Variants in SLC28A3 observed in about 807,000 individuals in gnomAD.
The protein encoded by SLC28A3 is solute carrier family 28 member 3.
SLC28A3 carries 68 observed loss-of-function variants against 84.2 expected under a neutral mutation model. The ratio of observed to expected loss-of-function variants is 0.81; its 90% CI spans 0.66 to 0.99. The LOEUF (loss-of-function observed/expected upper bound fraction) is 0.99. Ranked by LOEUF, SLC28A3 falls within the 50% of genes least tolerant of loss-of-function variation. The pLI is 0.00. For synonymous variants in SLC28A3, 267 were observed against 303.6 expected (o/e 0.88, Z 1.25); for missense variants, 712 against 841.5 (o/e 0.85, Z 1.90).
At chr9:84,348,236 C>T in the SLC28A3 span, among the ~76,000 whole-genome samples, 3 of 151,798 alleles carry the variant, frequency 2.0e-5, no homozygotes, top group Admixed American at 6.6e-5. Context: ...CACCTGTAGT[C>T]GCAGCTACTT....
chr9:84,343,556 T>C (rs1220009391), upstream of SLC28A3, among the ~76,000 whole-genome samples: 1 of 152,206 alleles, frequency 6.6e-6, no homozygotes, highest in African/African-American at 2.4e-5. Context: ...GGGTCACACC[T>C]AACCTTCTGC....
At chr9:84,327,492 T>A (rs1314677583) in intron 1 of SLC28A3, among the ~76,000 whole-genome samples, 1 of 152,170 alleles carries the variant, frequency 6.6e-6, no homozygotes, top group Non-Finnish European at 1.5e-5. Flanking sequence ...CACAGACTCA[T>A]GATAGCCTCA....
At chr9:84,361,149 T>G in the SLC28A3 span, among the ~76,000 whole-genome samples, 15 of 152,050 alleles carry the variant, frequency 9.9e-5, no homozygotes, top group East Asian at 1.9e-4. Flanking sequence ...ATAGAGACCA[T>G]CCTGGCCAAC....
chr9:84,280,173 A>AATT, intron 15 of SLC28A3, 100 bp from the exon 16 acceptor site: 5 of 964,740 alleles, frequency 5.2e-6, no homozygotes, highest in African/African-American at 1.8e-5. Context: ...AGGTCAGCTG[A>AATT]CTTTTTTTTT....
At chr9:84,343,865 AG>A (rs1827208795), upstream of SLC28A3, among the ~76,000 whole-genome samples, 1 of 152,178 alleles carries the variant, frequency 6.6e-6, no homozygotes, top group South Asian at 2.1e-4. Context: ...CCAAGATGGG[AG>A]AATCGCTTGA....
upstream of SLC28A3, chr9:84,340,782 G>T: frequency 2.9e-5 from 20 of 692,196 alleles, no homozygotes; most frequent in Admixed American, 5.4e-5. Flanking sequence ...ATAATCTCCT[G>T]AATGACTAGG....
chr9:84,288,511 T>C (rs1448232140), intron 11 of SLC28A3, among the ~76,000 whole-genome samples: 1 of 152,178 alleles, frequency 6.6e-6, no homozygotes, highest in Admixed American at 6.5e-5. Flanking sequence ...TCTGTTGCCC[T>C]TTTGAATGTT....
upstream of SLC28A3, among the ~76,000 whole-genome samples, chr9:84,344,275 G>A (rs1245020758): frequency 3.6e-5 from 5 of 140,728 alleles, no homozygotes; most frequent in Non-Finnish European, 7.5e-5. Context: ...TGCAACCTCC[G>A]ACTTCCGGGT....
the SLC28A3 span, among the ~76,000 whole-genome samples, chr9:84,364,735 A>T: frequency 1.3e-5 from 2 of 152,060 alleles, no homozygotes; most frequent in Admixed American, 1.3e-4. Context: ...CATTGTTTCA[A>T]TTTTTAGATT....
In SLC28A3 at chr9:84,279,950, G is replaced by A. The variant is rs374001057; in HGVS notation, c.1828+25C>T. The A allele has an allele frequency of 2.6e-5, 42 of 1,609,654 alleles. No individual in the cohort carries two copies. In the East Asian group the frequency reaches 5.8e-4, roughly 22 times the overall value. ...GCTGCCATTCATCCTGTGGGCACTGGGACACAAAGGACAGGGTGCGGTACC... is the reference window on the plus strand; with the variant it reads ...GCTGCCATTCATCCTGTGGGCACTGAGACACAAAGGACAGGGTGCGGTACC... On this transcript the variant is annotated intron_variant, in intron 16 of 17. Coordinates refer to ENST00000376238, the MANE Select transcript of SLC28A3 (RefSeq NM_001199633.2).
At chr9:84,331,993 TTAAAAG>T (rs775389056) in intron 1 of SLC28A3, among the ~76,000 whole-genome samples, 3 of 152,182 alleles carry the variant, frequency 2.0e-5, no homozygotes, top group Non-Finnish European at 4.4e-5. Flanking sequence ...CTGAGTGGTG[TTAAAAG>T]TAAATTTAAA....
chr9:84,349,460 C>A, the SLC28A3 span, among the ~76,000 whole-genome samples: 3 of 152,238 alleles, frequency 2.0e-5, no homozygotes, highest in Admixed American at 2.0e-4. Context: ...TGGTCTTGAA[C>A]TCCTGACTTC....
At chr9:84,344,071 C>T (rs28704034), upstream of SLC28A3, among the ~76,000 whole-genome samples, 8,199 of 151,802 alleles carry the variant, frequency 0.054, 449 homozygotes, top group East Asian at 0.17. Context: ...CTTCATAAAA[C>T]GGAGATAACA....
At chr9:84,355,989 T>TA in the SLC28A3 span, among the ~76,000 whole-genome samples, 2 of 151,706 alleles carry the variant, frequency 1.3e-5, no homozygotes. Context: ...TAATTTTTTT[T>TA]AAAAAAATTG....
At chr9:84,355,029 A>G in the SLC28A3 span, among the ~76,000 whole-genome samples, 1 of 152,232 alleles carries the variant, frequency 6.6e-6, no homozygotes, top group Non-Finnish European at 1.5e-5. Context: ...AAATATAAAA[A>G]TGATAGAATT....
intron 14 of SLC28A3, among the ~76,000 whole-genome samples, chr9:84,283,427 C>A (rs1824845654): frequency 6.6e-6 from 1 of 152,176 alleles, no homozygotes; most frequent in African/African-American, 2.4e-5. Flanking sequence ...GTGTGCTATA[C>A]AATAGAATAC....
chr9:84,359,937 G>C, the SLC28A3 span, among the ~76,000 whole-genome samples: 1 of 148,954 alleles, frequency 6.7e-6, no homozygotes, highest in African/African-American at 2.5e-5. Flanking sequence ...GAGAGTGGAG[G>C]TTTGCAATGA....
In SLC28A3 at chr9:84,276,039, C is replaced by T. The variant is rs182458878; in HGVS notation, c.*2179G>A. Reference sequence around the variant, plus strand: ...AATCTGCTCTGACCAATATGGTAGCCACTAATACCTGAAATATGGAGTAAC... The same window carrying T: ...AATCTGCTCTGACCAATATGGTAGCTACTAATACCTGAAATATGGAGTAAC... On this transcript the variant is annotated 3_prime_UTR_variant, in exon 18 of 18. Transcript: ENST00000376238. The T allele has an allele frequency of 6.6e-6, 1 of 152,062 alleles. No individual in the cohort carries two copies. The highest frequency in any genetic ancestry group is 2.4e-5 in the African/African-American group (1 of 41,412). The allele number at this position is 152,062 out of a possible 1,614,324, so 9.4% of individuals were successfully genotyped here.
rs1016527906 is a variant in SLC28A3, at chr9:84,277,527, T to C, written c.*691A>G. The C allele has an allele frequency of 2.0e-5, 3 of 152,232 alleles. No homozygotes were observed. Among genetic ancestry groups the C allele is most frequent in the African/African-American group, 7.2e-5 (3 of 41,462 alleles). The allele number at this position is 152,232 out of a possible 1,614,324, so 9.4% of individuals were successfully genotyped here. On this transcript the variant is annotated 3_prime_UTR_variant, in exon 18 of 18. Transcript: ENST00000376238. The stretch of plus-strand genomic sequence containing the variant: ...CAATATGGATTACAACCAAGATGGA[T>C]CATTACAAACATGTGAGTGAAAAAT...
Sources: allele counts gnomAD v4.1 joint callset (sites outside exome capture counted in the v4.1 genomes callset), GRCh38; gene constraint gnomAD v4.1.1; transcripts MANE v1.5; gene names NCBI Gene and HGNC (gene_info 2026-07-23, HGNC 2026-07-21).